DGKK: variants seen among roughly 807,000 people sequenced by gnomAD.
DGKK encodes the protein 142 kDa diacylglycerol kinase.
DGKK carries 35 observed loss-of-function variants against 92.2 expected under a neutral mutation model. That is an observed-to-expected ratio of 0.38 (90% CI 0.29 to 0.50). The LOEUF is 0.50. DGKK is among the 20% of genes least tolerant of loss of function. DGKK has a pLI of 0.92. For missense variants in DGKK, 910 were observed against 992.2 expected (o/e 0.92, Z 1.11); for synonymous variants, 368 against 360.6 (o/e 1.02, Z -0.23).
intron 1 of DGKK, among the ~76,000 whole-genome samples, chrX:50,461,453 G>C (rs1557233343): frequency 8.9e-6 from 1 of 111,806 alleles, no homozygotes; most frequent in South Asian, 3.8e-4. Flanking sequence ...TGAGTGGTGG[G>C]GTACTAGATG....
At chrX:50,469,642 C>T (rs1927001697) in intron 1 of DGKK, among the ~76,000 whole-genome samples, 1 of 112,958 alleles carries the variant, frequency 8.9e-6, no homozygotes, top group Admixed American at 9.2e-5. Flanking sequence ...CCACCGCCCC[C>T]ACTCAATCCG....
intron 8 of DGKK, among the ~76,000 whole-genome samples, chrX:50,394,241 T>TA (rs1924777872): frequency 9.1e-6 from 1 of 110,147 alleles, no homozygotes; most frequent in South Asian, 3.9e-4. Context: ...TCAGTGGGGG[T>TA]GGGAGGAGGT....
Position 50,387,531 on chromosome X carries a change from A to C in DGKK, c.2118+23T>G. On this transcript the variant is annotated intron_variant, in intron 14 of 27. Coordinates refer to ENST00000611977, the MANE Select transcript of DGKK (RefSeq NM_001013742.4). ...CCCTGGCTGCTCCACAAAGAGTATA[A>C]GACAAAAGGAATGGGAACTTACTTT... is the stretch of plus-strand genomic sequence containing the variant. 2.6e-6 allele frequency: 3 copies of C among 1,136,047 alleles called. No homozygotes were observed. The South Asian group carries it at 5.5e-5, about 21-fold the overall frequency. The allele number at this position is 1,136,047 out of a possible 1,213,427, so 93.6% of individuals were successfully genotyped here. A position where few individuals can be genotyped will look rare whatever the true frequency, so the allele number is the denominator to read the frequency against.
chrX:50,465,627 G>A (rs781854755), intron 1 of DGKK, among the ~76,000 whole-genome samples: 4 of 110,405 alleles, frequency 3.6e-5, no homozygotes, highest in African/African-American at 9.9e-5. Flanking sequence ...TTCTTCTCTG[G>A]CTCCTCTTCT....
chrX:50,456,778 GA>G (rs1233935425), intron 1 of DGKK, among the ~76,000 whole-genome samples: 4 of 111,120 alleles, frequency 3.6e-5, no homozygotes, highest in Non-Finnish European at 5.7e-5. Flanking sequence ...GTGTGAGTTA[GA>G]AAAATCTATA....
At chrX:50,392,661 C>T (rs1569544368) in intron 9 of DGKK, among the ~76,000 whole-genome samples, 2 of 112,420 alleles carry the variant, frequency 1.8e-5, no homozygotes, top group Non-Finnish European at 3.8e-5. Flanking sequence ...CTTTCTGTGC[C>T]TCTGGAAAAC....
chrX:50,369,038 G>C lies in DGKK; in HGVS notation c.3737-19C>G. The C allele has an allele frequency of 1.7e-6, 2 of 1,172,867 alleles. No individual in the cohort carries two copies. The highest frequency in any genetic ancestry group is 3.5e-5 in the African/African-American group (2 of 56,840). Reference sequence around the variant, plus strand: ...AAATTGCCTTCAGAGGAAAAAAAATGGTATAGAAATAATGAGGTTAGCACA... The same window carrying C: ...AAATTGCCTTCAGAGGAAAAAAAATCGTATAGAAATAATGAGGTTAGCACA... On this transcript the variant is annotated intron_variant, in intron 27 of 27. Transcript: ENST00000611977.
At chrX:50,467,627 C>T (rs1427044900) in intron 1 of DGKK, among the ~76,000 whole-genome samples, 2 of 112,968 alleles carry the variant, frequency 1.8e-5, no homozygotes, top group Admixed American at 1.9e-4. Flanking sequence ...TCCCCCCAAG[C>T]TTGCCTCGAG....
At chrX:50,452,929 T>G (rs890343611) in intron 1 of DGKK, among the ~76,000 whole-genome samples, 10 of 111,577 alleles carry the variant, frequency 9.0e-5, no homozygotes, top group Non-Finnish European at 7.5e-5. Flanking sequence ...GTTTTTAATC[T>G]CTTAGGAATT....
At chrX:50,443,475 A>C (rs1557231449) in intron 1 of DGKK, among the ~76,000 whole-genome samples, 1 of 110,844 alleles carries the variant, frequency 9.0e-6, no homozygotes, top group East Asian at 2.8e-4. Context: ...CATCCAAAAA[A>C]TGTTATTACT....
rs1462772371 is a variant in DGKK, at chrX:50,367,152, C to T, written c.*1788G>A. On this transcript the variant is annotated 3_prime_UTR_variant, in exon 28 of 28. Coordinates refer to ENST00000611977, the MANE Select transcript of DGKK (RefSeq NM_001013742.4). ...ACCAGTGCTTGGAATCTGAATTGTG[C>T]ACCTCAATGAACCAGCCATTGGACT... The T allele has an allele frequency of 9.0e-6, 1 of 111,339 alleles. No homozygotes were observed. Among genetic ancestry groups the T allele is most frequent in the East Asian group, 2.8e-4 (1 of 3,513 alleles). The allele number at this position is 111,339 out of a possible 1,213,427, so 9.2% of individuals were successfully genotyped here.
At chrX:50,433,204 T>C (rs782347082) in intron 1 of DGKK, among the ~76,000 whole-genome samples, 38 of 112,342 alleles carry the variant, frequency 3.4e-4, no homozygotes, top group Non-Finnish European at 4.9e-4. Context: ...AAAGTCTGTG[T>C]TCATGCCACA....
At chrX:50,464,388 G>A (rs924308468) in intron 1 of DGKK, among the ~76,000 whole-genome samples, 9 of 109,315 alleles carry the variant, frequency 8.2e-5, no homozygotes, top group East Asian at 5.8e-4. Flanking sequence ...CACCCCCCGC[G>A]CCCCTGCTTC....
At chrX:50,377,063 C>T in intron 22 of DGKK, 145 bp from the exon 23 acceptor site, 1 of 462,055 alleles carries the variant, frequency 2.2e-6, no homozygotes, top group Admixed American at 4.2e-5. Context: ...GTCCATTCCC[C>T]CTGTCATACC....
At chrX:50,463,164 TA>T (rs1483660459) in intron 1 of DGKK, among the ~76,000 whole-genome samples, 3 of 107,855 alleles carry the variant, frequency 2.8e-5, no homozygotes, top group Non-Finnish European at 5.8e-5. Context: ...TTTGATCCTT[TA>T]AAAAATAATC....
In DGKK at chrX:50,382,963, G is replaced by C. The variant is rs1049888167; in HGVS notation, c.2550-360C>G. On this transcript the variant is annotated intron_variant, in intron 17 of 27. Coordinates refer to ENST00000611977, the MANE Select transcript of DGKK (RefSeq NM_001013742.4). ...CTGTTTACTCCTATAAAGAACTTTT[G>C]AATATCCTAGACACAAACGTGCCAT... Among the ~76,000 whole-genome samples, 6 of 111,661 alleles carry C rather than the reference G, an allele frequency of 5.4e-5. No homozygotes were observed. In the Admixed American group the frequency reaches 5.7e-4, roughly 11 times the overall value.
chrX:50,390,256 T>A, intron 12 of DGKK, 72 bp downstream of exon 12: 1 of 1,011,487 alleles, frequency 9.9e-7, no homozygotes, highest in Non-Finnish European at 1.4e-6. Context: ...CAAAAGCTTC[T>A]CTCTGGGTTT....
In DGKK at chrX:50,398,308, C is replaced by A. The variant is rs548381758; in HGVS notation, c.1411+2729G>T. 8.1e-4 allele frequency among the ~76,000 whole-genome samples: 90 copies of A among 111,720 alleles called. 1 individual carries two copies. In the South Asian group the frequency reaches 0.034, roughly 42 times the overall value. ...TGCAAAAGATTCCTCTGGGATGGGA[C>A]CTTCCAGTAGGAAACTTACCCATTA... is the stretch of plus-strand genomic sequence containing the variant. On this transcript the variant is annotated intron_variant, in intron 8 of 27. Transcript: ENST00000611977.
At chrX:50,376,377 C>T (rs1278477928) in intron 23 of DGKK, among the ~76,000 whole-genome samples, 1 of 111,607 alleles carries the variant, frequency 9.0e-6, no homozygotes, top group Non-Finnish European at 1.9e-5. Context: ...CTTTACCCAT[C>T]CTTGTCTCAC....
Sources: gnomAD v4.1 joint callset for allele counts (sites outside exome capture counted in the v4.1 genomes callset) on GRCh38, gnomAD v4.1.1 for gene constraint, MANE v1.5 for transcripts, NCBI Gene and HGNC (gene_info 2026-07-23, HGNC 2026-07-21) for gene names.